The following CEBPZ variants were observed in gnomAD, a reference collection of about 807,000 sequenced individuals.
CEBPZ encodes the protein CCAAT/enhancer-binding protein zeta.
A neutral mutation model predicts 104.5 loss-of-function variants in CEBPZ; 78 were observed. The observed-to-expected ratio is 0.75, with a 90% CI of 0.62 to 0.90. CEBPZ has a LOEUF of 0.90. Among genes scored for constraint, CEBPZ ranks in the 40% least tolerant of loss-of-function variants. The probability of loss-of-function intolerance (pLI) is 0.00; values close to 1 mark genes in which losing one functional copy is unlikely to be tolerated. For synonymous variants in CEBPZ, 470 were observed against 427.0 expected (o/e 1.10, Z -1.24); for missense variants, 1,439 against 1,233.5 (o/e 1.17, Z -2.50).
chr2:37,214,075 T>C (rs1332783891), intron 9 of CEBPZ, 114 bp from the exon 10 acceptor site: 5 of 498,848 alleles, frequency 1.0e-5, no homozygotes, highest in Non-Finnish European at 1.7e-5. Flanking sequence ...TTAAGTATAC[T>C]CAATTGGAAA....
intron 15 of CEBPZ, chr2:37,202,197 G>A (rs1677281090): frequency 4.5e-6 from 1 of 222,852 alleles, no homozygotes; most frequent in African/African-American, 2.3e-5. Context: ...ATGTAAAAAC[G>A]GCCCACTTCC....
In CEBPZ at chr2:37,211,279, T is replaced by A. The variant is rs1260989695; in HGVS notation, c.2801-197A>T. ...CTAAGAATTGGCACAGTTCTAATAT[T>A]TTGTGCAAGTACAAAATTTTCTAAA... On this transcript the variant is annotated intron_variant, in intron 12 of 15. Transcript: ENST00000234170. The A allele has an allele frequency of 9.3e-5, 37 of 397,202 alleles. No individual in the cohort carries two copies. The Admixed American group carries it at 1.6e-3, about 17-fold the overall frequency. The allele number at this position is 397,202 out of a possible 1,614,324, so 24.6% of individuals were successfully genotyped here.
chr2:37,223,434 T>C, intron 2 of CEBPZ, 33 bp from the exon 3 acceptor site: 1 of 1,566,018 alleles, frequency 6.4e-7, no homozygotes, highest in Non-Finnish European at 8.8e-7. Context: ...AATATTTATG[T>C]ATAAAACCAT....
At chr2:37,214,014 T>C (rs1677805696) in intron 9 of CEBPZ, 53 bp from the exon 10 acceptor site, 1 of 993,062 alleles carries the variant, frequency 1.0e-6, no homozygotes, top group East Asian at 3.0e-5. Flanking sequence ...CTAATCTTAC[T>C]ATATATCATC....
chr2:37,217,550 G>T (rs987137408), intron 5 of CEBPZ, among the ~76,000 whole-genome samples: 1 of 152,028 alleles, frequency 6.6e-6, no homozygotes, highest in Non-Finnish European at 1.5e-5. Flanking sequence ...TATATCTACA[G>T]ACACCTATGT....
rs765754873 is a variant in CEBPZ at position 37,211,963 on chromosome 2, C to T, written c.2680G>A (p.Gly894Ser). The T allele has an allele frequency of 1.2e-6, 2 of 1,613,638 alleles. No homozygotes were observed. The highest frequency in any genetic ancestry group is 2.2e-5 in the South Asian group (2 of 91,012). ...GAAACTTCATCGTCATCCAGGTTAC[C>T]AAGTTCATCATCACTACCTTCTGAA... ...EDSEGSDDEL[G>S]NLDDDEVSLG... The change falls in exon 12 of 16, where the codon GGT becomes AGT. Residue 894 changes from glycine (G) to serine (S), a missense_variant. Transcript: ENST00000234170.
At chr2:37,204,289 T>G (rs1291655280) in intron 13 of CEBPZ, 1 of 150,788 alleles carries the variant, frequency 6.6e-6, no homozygotes, top group Non-Finnish European at 1.5e-5. Context: ...TTTTTTTTTT[T>G]TTTTTTTGAG....
chr2:37,231,038 G>A (rs1665067805), intron 1 of CEBPZ, among the ~76,000 whole-genome samples: 3 of 152,172 alleles, frequency 2.0e-5, no homozygotes, highest in South Asian at 2.1e-4. Flanking sequence ...ACAGTGACAC[G>A]TGCATGTACT....
rs776031565 is a variant in CEBPZ, at chr2:37,210,987, G to GTTC, written c.2884+11_2884+12insGAA. ...ACACTGCTTTTAAAAGATATTAAAT[G>GTTC]TATTTTCTTACCTTGAAATGAGCCA... On this transcript the variant is annotated intron_variant, in intron 13 of 15. Coordinates refer to ENST00000234170, the MANE Select transcript of CEBPZ (RefSeq NM_005760.3). The GTTC allele has an allele frequency of 3.2e-6, 5 of 1,578,258 alleles. No individual in the cohort carries two copies. The highest frequency in any genetic ancestry group is 4.3e-6 in the Non-Finnish European group (5 of 1,154,292).
intron 4 of CEBPZ, among the ~76,000 whole-genome samples, chr2:37,221,558 C>A (rs1558475808): frequency 6.6e-6 from 1 of 152,116 alleles, no homozygotes; most frequent in African/African-American, 2.4e-5. Flanking sequence ...TTTAGAAACT[C>A]AGGATTAAAA....
rs1259581654 is a variant in CEBPZ, at chr2:37,201,750, T to C, written c.*14A>G. 1 of 1,312,576 alleles carries C rather than the reference T, an allele frequency of 7.6e-7. No individual in the cohort carries two copies. Among genetic ancestry groups the C allele is most frequent in the East Asian group, 2.4e-5 (1 of 40,974 alleles). The allele number at this position is 1,312,576 out of a possible 1,614,324, so 81.3% of individuals were successfully genotyped here. A position where few individuals can be genotyped will look rare whatever the true frequency, so the allele number is the denominator to read the frequency against. On this transcript the variant is annotated 3_prime_UTR_variant, in exon 16 of 16. Transcript: ENST00000234170. ...ATGTAAGTAGAATTTTAATCTATAA[T>C]TTACATTAATAACTCATTTCCTTTG...
chr2:37,227,647 G>C lies in CEBPZ; in HGVS notation c.1546C>G (p.His516Asp). ...ACACTGGTATTAAAATTCACAATAT[G>C]CAACACTTTAAACAGTGTGTCAATC... ...EQIDTLFKVL[H>D]IVNFNTSVQA... Residue 516 changes from histidine to aspartate, a missense_variant, in exon 2 of 16, where the codon CAT becomes GAT. Transcript: ENST00000234170. 1 of 1,614,178 alleles carries C rather than the reference G, an allele frequency of 6.2e-7. No homozygotes were observed. Among genetic ancestry groups the C allele is most frequent in the Non-Finnish European group, 8.5e-7 (1 of 1,180,016 alleles).
In CEBPZ at chr2:37,213,902, A is replaced by C. The variant is rs1183117539; in HGVS notation, c.2507T>G (p.Ile836Arg). ...AAATTCTTCATCATCCACGTCTTCTATACTTTCTTCATCTGCATCCCGTTT... is the reference window on the plus strand; with the variant it reads ...AAATTCTTCATCATCCACGTCTTCTCTACTTTCTTCATCTGCATCCCGTTT... ...KQKRDADEES[I>R]EDVDDEEFEE... The change falls in exon 10 of 16, where the codon ATA (isoleucine) becomes AGA (arginine). Residue 836 changes from isoleucine to arginine, a missense_variant. Ile to Arg is a moderately conservative substitution (Grantham distance 97, BLOSUM62 -3). Coordinates refer to ENST00000234170, the MANE Select transcript of CEBPZ (RefSeq NM_005760.3). 2 of 1,603,364 alleles carry C rather than the reference A, an allele frequency of 1.2e-6. No homozygotes were observed. The highest frequency in any genetic ancestry group is 3.5e-5 in the Admixed American group (2 of 57,696).
Position 37,216,327 on chromosome 2 carries a change from TG to T in CEBPZ, c.2299del (p.His767IlefsTer11). 3 of 1,613,624 alleles carry T rather than the reference TG, an allele frequency of 1.9e-6. No homozygotes were observed. The highest frequency in any genetic ancestry group is 2.5e-6 in the Non-Finnish European group (3 of 1,179,770). On this transcript the variant is annotated frameshift_variant, in exon 7 of 16. Coordinates refer to ENST00000234170, the MANE Select transcript of CEBPZ (RefSeq NM_005760.3). LOFTEE classifies it high-confidence loss of function. ...DRFVYRNPKP[H>X]KGKENTDSVV... is the part of the protein sequence containing the mutation. The stretch of plus-strand genomic sequence containing the variant: ...AAATAGAAGCATACCTTTGCCTTTA[TG>T]GGGCTTTGGATTTCGGTATACAAAT...
rs1477152715 is a variant in CEBPZ at position 37,228,485 on chromosome 2, C to G, written c.708G>C (p.Lys236Asn). 6.2e-7 allele frequency: 1 copy of G among 1,614,202 alleles called. No individual in the cohort carries two copies. Among genetic ancestry groups the G allele is most frequent in the Non-Finnish European group, 8.5e-7 (1 of 1,180,032 alleles). ...CTAGTGTCCCCGATGACACAATTGCCTTCATCCAGGTAGAAGAGGCTCCCT... is the reference window on the plus strand; with the variant it reads ...CTAGTGTCCCCGATGACACAATTGCGTTCATCCAGGTAGAAGAGGCTCCCT... Reference protein sequence around the residue: ...SQKGASSTWMKAIVSSGTLGD... With the variant: ...SQKGASSTWMNAIVSSGTLGD... The change falls in exon 2 of 16, where the codon AAG (lysine) becomes AAC (asparagine). Residue 236 changes from lysine to asparagine, a missense_variant. Lys to Asn is a moderately conservative substitution (Grantham distance 94, BLOSUM62 0). Coordinates refer to ENST00000234170, the MANE Select transcript of CEBPZ (RefSeq NM_005760.3).
chr2:37,231,375 A>G, intron 1 of CEBPZ, 37 bp downstream of exon 1: 1 of 1,612,520 alleles, frequency 6.2e-7, no homozygotes, highest in Non-Finnish European at 8.5e-7. Context: ...GGAACTCTCC[A>G]CGCCTGATCC....
intron 2 of CEBPZ, among the ~76,000 whole-genome samples, chr2:37,223,959 CA>C (rs1664825686): frequency 6.6e-6 from 1 of 152,202 alleles, no homozygotes; most frequent in Non-Finnish European, 1.5e-5. Context: ...TTTCACTGCC[CA>C]GAGTGCTTCT....
chr2:37,201,667 T>A lies in CEBPZ; in HGVS notation c.*97A>T, dbSNP rs1441413198. 1.8e-5 allele frequency: 14 copies of A among 789,436 alleles called. No homozygotes were observed. Among genetic ancestry groups the A allele is most frequent in the Non-Finnish European group, 2.9e-5 (13 of 452,352 alleles). The allele number at this position is 789,436 out of a possible 1,614,324, so 48.9% of individuals were successfully genotyped here. On this transcript the variant is annotated 3_prime_UTR_variant, in exon 16 of 16. Coordinates refer to ENST00000234170, the MANE Select transcript of CEBPZ (RefSeq NM_005760.3). ...TTTATTACAAATCCACTGAGAAGTC[T>A]GGAATGTATGGAATCAGAGAGCTAG...
rs576135933 is a variant in CEBPZ at position 37,203,016 on chromosome 2, A to T, written c.2885-8T>A. On this transcript the variant is annotated splice_polypyrimidine_tract_variant and splice_region_variant and intron_variant, in intron 13 of 15. Coordinates refer to ENST00000234170, the MANE Select transcript of CEBPZ (RefSeq NM_005760.3). ...TTTTCTTTTTTCTTGGCCCTAAAAA[A>T]AATTGTAAGTCTACATTATTCAATT... 6 of 1,521,820 alleles carry T rather than the reference A, an allele frequency of 3.9e-6. No homozygotes were observed. The African/African-American group carries it at 7.0e-5, about 18-fold the overall frequency. 94.3% of individuals were successfully genotyped at this position (1,521,820 alleles called of 1,614,324 possible).
Sources: allele counts gnomAD v4.1 joint callset (sites outside exome capture counted in the v4.1 genomes callset), GRCh38; gene constraint gnomAD v4.1.1; transcripts MANE v1.5; gene names NCBI Gene and HGNC (gene_info 2026-07-23, HGNC 2026-07-21).